Variants in TLE4 observed in about 807,000 individuals in gnomAD.
TLE4 encodes the protein transducin-like enhancer protein 4.
Under a neutral mutation model 92.8 loss-of-function variants are expected in TLE4, and 8 were observed. The ratio of observed to expected loss-of-function variants is 0.09; its 90% CI spans 0.05 to 0.16. The LOEUF (loss-of-function observed/expected upper bound fraction) is 0.16. Among genes scored for constraint, TLE4 ranks in the 10% least tolerant of loss-of-function variants. TLE4 has a pLI of 1.00. For synonymous variants in TLE4, 371 were observed against 374.1 expected (o/e 0.99, Z 0.10); for missense variants, 675 against 997.6 (o/e 0.68, Z 4.36).
chr9:79,592,044 G>T (rs539342040), intron 4 of TLE4, among the ~76,000 whole-genome samples: 1 of 152,114 alleles, frequency 6.6e-6, no homozygotes, highest in Non-Finnish European at 1.5e-5. Flanking sequence ...CCTTTTGTGG[G>T]CATGTGTTTT....
chr9:79,576,479 T>C (rs1369207534), intron 4 of TLE4: 1 of 202,710 alleles, frequency 4.9e-6, no homozygotes, highest in African/African-American at 2.3e-5. Flanking sequence ...AAAGAGTTGC[T>C]TTATGTATTT....
chr9:79,629,061 T>A (rs963844560), intron 6 of TLE4, among the ~76,000 whole-genome samples: 2 of 152,178 alleles, frequency 1.3e-5, no homozygotes, highest in African/African-American at 4.8e-5. Flanking sequence ...ATGGAGAGAA[T>A]GTGCAGAGTG....
At chr9:79,621,072 T>TA (rs1267190605) in intron 5 of TLE4, among the ~76,000 whole-genome samples, 4 of 152,172 alleles carry the variant, frequency 2.6e-5, no homozygotes, top group Admixed American at 6.5e-5. Flanking sequence ...TTGGGACAAA[T>TA]ATGCAAACTG....
At chr9:79,693,689 T>C (rs758419754) in intron 8 of TLE4, 21 of 514,706 alleles carry the variant, frequency 4.1e-5, no homozygotes, top group African/African-American at 3.3e-4. Context: ...ATTTTAATCT[T>C]CCTTCATTTG....
chr9:79,660,075 T>C (rs1217529353), intron 8 of TLE4, among the ~76,000 whole-genome samples: 1 of 152,206 alleles, frequency 6.6e-6, no homozygotes, highest in East Asian at 1.9e-4. Flanking sequence ...CTTTTCCTGG[T>C]GTAATTCACC....
rs1469892588 is a variant in TLE4 at position 79,706,753 on chromosome 9, T to A, written c.790T>A (p.Ser264Thr). The A allele has an allele frequency of 1.2e-6, 2 of 1,613,386 alleles. No individual in the cohort carries two copies. The change falls in exon 11 of 20, where the codon TCT becomes ACT. Residue 264 changes from serine to threonine, a missense_variant. Transcript: ENST00000376552. ...CCACGATGTTCCTTTGTAGGATCCA[T>A]CTTCCCCTCGAGGGAGCCCAGCACA... is the stretch of plus-strand genomic sequence containing the variant. ...LVVDVSNEDP[S>T]SPRGSPAHSP...
chr9:79,689,592 C>T (rs954547441), intron 8 of TLE4, among the ~76,000 whole-genome samples: 4 of 152,176 alleles, frequency 2.6e-5, no homozygotes, highest in African/African-American at 9.7e-5. Flanking sequence ...TAAAGAGCAT[C>T]TTGCCTCATC....
At chr9:79,706,661 C>A in intron 10 of TLE4, 86 bp from the exon 11 acceptor site, 2 of 1,494,706 alleles carry the variant, frequency 1.3e-6, no homozygotes, top group Non-Finnish European at 1.8e-6. Context: ...GCATTAAATG[C>A]TTTTGGCTAG....
At chr9:79,683,826 A>G (rs1392489119) in intron 8 of TLE4, among the ~76,000 whole-genome samples, 1 of 152,192 alleles carries the variant, frequency 6.6e-6, no homozygotes, top group Non-Finnish European at 1.5e-5. Context: ...TTGCTCATTA[A>G]CATGGCAGTA....
At chr9:79,685,231 C>T (rs2065596061) in intron 8 of TLE4, among the ~76,000 whole-genome samples, 1 of 152,154 alleles carries the variant, frequency 6.6e-6, no homozygotes, top group African/African-American at 2.4e-5. Flanking sequence ...CATTGTTACC[C>T]TCATTCCTGC....
intron 16 of TLE4, 27 bp from the exon 17 acceptor site, chr9:79,721,714 G>A: frequency 6.2e-7 from 1 of 1,613,712 alleles, no homozygotes; most frequent in South Asian, 1.1e-5. Context: ...CTTTTCAAGG[G>A]CTTTCCCTCC....
intron 8 of TLE4, chr9:79,671,374 C>A (rs971530612): frequency 4.9e-6 from 2 of 409,492 alleles, no homozygotes; most frequent in African/African-American, 4.1e-5. Context: ...ACGAGCTCAA[C>A]GAGTGGCCCG....
intron 8 of TLE4, among the ~76,000 whole-genome samples, chr9:79,679,647 T>C (rs1170877298): frequency 6.6e-6 from 1 of 152,356 alleles, no homozygotes; most frequent in East Asian, 1.9e-4. Context: ...AATTTTGGCT[T>C]CTCTTGCCAT....
At chr9:79,652,509 A>T in intron 6 of TLE4, 84 bp from the exon 7 acceptor site, 1 of 1,521,414 alleles carries the variant, frequency 6.6e-7, no homozygotes, top group Non-Finnish European at 9.1e-7. Flanking sequence ...TTTACTGCCG[A>T]TTTATGCCTC....
chr9:79,583,985 A>T (rs565718090), intron 4 of TLE4, among the ~76,000 whole-genome samples: 1 of 152,312 alleles, frequency 6.6e-6, no homozygotes, highest in South Asian at 2.1e-4. Context: ...CTGAGGCTTA[A>T]GGGCTTAAGA....
chr9:79,649,877 G>T, intron 6 of TLE4: 1 of 1,357,622 alleles, frequency 7.4e-7, no homozygotes, highest in Non-Finnish European at 9.8e-7. Flanking sequence ...CTTTGGCTGA[G>T]GGCTTTTTGT....
chr9:79,596,331 G>A (rs1016314973), intron 4 of TLE4, among the ~76,000 whole-genome samples: 5 of 151,946 alleles, frequency 3.3e-5, no homozygotes, highest in African/African-American at 9.7e-5. Context: ...CTGCATCTAG[G>A]GCAAGTATCT....
chr9:79,722,420 C>G, intron 17 of TLE4, 31 bp from the exon 18 acceptor site: 2 of 1,611,840 alleles, frequency 1.2e-6, no homozygotes, highest in Non-Finnish European at 8.5e-7. Context: ...TCCACTGTGG[C>G]CACTGTCACC....
At chr9:79,671,279 G>A in intron 8 of TLE4, 1 of 456,368 alleles carries the variant, frequency 2.2e-6, no homozygotes, top group South Asian at 1.5e-5. Context: ...GTTCCTGTCA[G>A]TCTAAATCCT....
Sources: gnomAD v4.1 joint callset for allele counts (sites outside exome capture counted in the v4.1 genomes callset) on GRCh38, gnomAD v4.1.1 for gene constraint, MANE v1.5 for transcripts, NCBI Gene and HGNC (gene_info 2026-07-23, HGNC 2026-07-21) for gene names.